The following OR1I1 variants were observed in gnomAD, a reference collection of about 807,000 sequenced individuals.
OR1I1 encodes olfactory receptor family 1 subfamily I member 1.
For missense variants in OR1I1, 451 were observed against 443.6 expected (o/e 1.02, Z -0.15); for synonymous variants, 171 against 181.4 (o/e 0.94, Z 0.46).
At chr19:15,086,919 C>T (rs747414353) in intron 1 of OR1I1, 134 bp from the exon 2 acceptor site, 86 of 1,386,550 alleles carry the variant, frequency 6.2e-5, no homozygotes, top group Admixed American at 2.1e-4. Flanking sequence ...TTGAGGTTAA[C>T]TGAACACAAA....
rs2046241625 is a variant in OR1I1, at chr19:15,088,670, AG to A, written c.*538del. The stretch of plus-strand genomic sequence containing the variant: ...CAAGATCTGTCACTCATAGGTAGAT[AG>A]ATAGATAGATAGATAGATAGATAGA... On this transcript the variant is annotated 3_prime_UTR_variant, in exon 2 of 2. Transcript: ENST00000641398. 2 of 35,944 alleles carry A rather than the reference AG, an allele frequency of 5.6e-5. No individual in the cohort carries two copies. Among genetic ancestry groups the A allele is most frequent in the Admixed American group, 2.6e-4 (1 of 3,898 alleles). 2.2% of individuals were successfully genotyped at this position (35,944 alleles called of 1,614,324 possible).
chr19:15,085,157 TATATATATATATATATATA>T (rs1472258863), intron 1 of OR1I1, among the ~76,000 whole-genome samples: 914 of 41,164 alleles, frequency 0.022, 104 homozygotes, highest in East Asian at 0.09. Flanking sequence ...TATATATATA[TATATATATATATATATATA>T]TTTTTTTTTT....
rs147488332 is a variant in OR1I1, at chr19:15,089,447, C to A, written c.*1314C>A. On this transcript the variant is annotated 3_prime_UTR_variant, in exon 2 of 2. Transcript: ENST00000641398. ...ACTCTGAACCCAGTATGATTCTACACGCAGGGTCAGCCACAGCAGATCAGG... is the reference window on the plus strand; with the variant it reads ...ACTCTGAACCCAGTATGATTCTACAAGCAGGGTCAGCCACAGCAGATCAGG... The A allele has an allele frequency of 6.6e-6, 1 of 152,164 alleles. No homozygotes were observed. The highest frequency in any genetic ancestry group is 1.5e-5 in the Non-Finnish European group (1 of 68,052). 9.4% of individuals were successfully genotyped at this position (152,164 alleles called of 1,614,324 possible).
At position 15,088,008 on chromosome 19, in the gene OR1I1, C is replaced by A. The variant is rs757706271; in HGVS notation, c.943C>A (p.Pro315Thr). The change falls in exon 2 of 2, where the codon CCA becomes ACA. Residue 315 changes from proline (P) to threonine (T), a missense_variant. Physicochemically the swap from Pro to Thr is conservative, Grantham distance 38. Transcript: ENST00000641398. ...CAAAGTGGCCGTCCCCTGTCCTAGG[C>A]CAGAACAGTTATTGGATGTTTATCA... The part of the protein sequence containing the change: ...IGKVAVPCPR[P>T]EQLLDVYHVP... 6.2e-7 allele frequency: 1 copy of A among 1,613,992 alleles called. No individual in the cohort carries two copies. Among genetic ancestry groups the A allele is most frequent in the Non-Finnish European group, 8.5e-7 (1 of 1,179,910 alleles).
In OR1I1 at chr19:15,087,145, T is replaced by C; in HGVS notation, c.80T>C (p.Leu27Pro). Residue 27 changes from leucine to proline, a missense_variant, in exon 2 of 2, where the codon CTC (leucine) becomes CCC (proline). Physicochemically the swap from Leu to Pro is moderately conservative, Grantham distance 98 (BLOSUM62 -3). Transcript: ENST00000641398. Reference sequence around the variant, plus strand: ...GAAAAGCCAGAGCATCAGACCCTCCTCTTCACAATGTTCCTCTCCACATAC... The same window carrying C: ...GAAAAGCCAGAGCATCAGACCCTCCCCTTCACAATGTTCCTCTCCACATAC... The part of the protein sequence containing the change: ...LSEKPEHQTL[L>P]FTMFLSTYLV... 1 of 1,614,096 alleles carries C rather than the reference T, an allele frequency of 6.2e-7. No individual in the cohort carries two copies. The highest frequency in any genetic ancestry group is 8.5e-7 in the Non-Finnish European group (1 of 1,180,020).
chr19:15,083,510 A>G (rs913614774), intron 1 of OR1I1, among the ~76,000 whole-genome samples: 1 of 152,220 alleles, frequency 6.6e-6, no homozygotes, highest in Non-Finnish European at 1.5e-5. Flanking sequence ...ATATGTTGCC[A>G]GGAAGGGAAT....
In OR1I1 at chr19:15,082,895, G is replaced by A. The variant is rs184795572; in HGVS notation, c.-14+619G>A. Among the ~76,000 whole-genome samples, 146 of 151,932 alleles carry A rather than the reference G, an allele frequency of 9.6e-4. 1 individual carries two copies. The highest frequency in any genetic ancestry group is 1.9e-3 in the Non-Finnish European group (127 of 67,954). ...CATTATCATAGCTCATCGCAGCCTC[G>A]ACCTCCCAAGCTCAAGTGATCCTCC... On this transcript the variant is annotated intron_variant, in intron 1 of 1. Coordinates refer to ENST00000641398, the MANE Select transcript of OR1I1 (RefSeq NM_001004713.2).
rs774024174 is a variant in OR1I1 at position 15,087,500 on chromosome 19, G to A, written c.435G>A (p.Leu145=). The change falls in exon 2 of 2, where the codon CTG becomes CTA. Residue 145 remains leucine (L), a synonymous_variant. Coordinates refer to ENST00000641398, the MANE Select transcript of OR1I1 (RefSeq NM_001004713.2). Reference sequence around the variant, plus strand: ...GCTCCCCTGTCTGTGGGCTGCTGCTGGGAGCATCATGGATGATCACCAACC... The same window carrying A: ...GCTCCCCTGTCTGTGGGCTGCTGCTAGGAGCATCATGGATGATCACCAACC... ...LMCSPVCGLL[L]GASWMITNLQ... The A allele has an allele frequency of 1.1e-5, 18 of 1,614,018 alleles. No homozygotes were observed. The South Asian group carries it at 1.8e-4, about 16-fold the overall frequency.
At chr19:15,082,843 T>C (rs1367787297) in intron 1 of OR1I1, among the ~76,000 whole-genome samples, 6 of 152,084 alleles carry the variant, frequency 3.9e-5, no homozygotes, top group African/African-American at 1.4e-4. Context: ...AGGGTCTCGC[T>C]CTGTTGCCCA....
rs563336525 is a variant in OR1I1, at chr19:15,086,542, C to T, written c.-13-511C>T. The stretch of plus-strand genomic sequence containing the variant: ...AATCTCTGCTCGCTGCAAACTTTGC[C>T]TCCCGGGTTCAAGCTATTCACCTGC... On this transcript the variant is annotated intron_variant, in intron 1 of 1. Transcript: ENST00000641398. Among the ~76,000 whole-genome samples, 17 of 133,096 alleles carry T rather than the reference C, an allele frequency of 1.3e-4. No individual in the cohort carries two copies. The East Asian group carries it at 2.9e-3, about 23-fold the overall frequency. The allele number at this position is 133,096 out of a possible 152,430, so 87.3% of individuals were successfully genotyped here.
chr19:15,084,063 G>A (rs1229695308), intron 1 of OR1I1, among the ~76,000 whole-genome samples: 7 of 152,284 alleles, frequency 4.6e-5, no homozygotes, highest in East Asian at 3.9e-4. Flanking sequence ...ATTTAGCTTC[G>A]AAATGCCTCA....
At position 15,087,235 on chromosome 19, in the gene OR1I1, C is replaced by T. The variant is rs772855468; in HGVS notation, c.170C>T (p.Thr57Ile). The T allele has an allele frequency of 2.5e-6, 4 of 1,614,160 alleles. No individual in the cohort carries two copies. The highest frequency in any genetic ancestry group is 2.5e-6 in the Non-Finnish European group (3 of 1,180,006). ...ATCATCACGGACTCTCACCTCCACA[C>T]ACCCATGTACTTCTTTCTCTTCAAC... ...LAIITDSHLH[T>I]PMYFFLFNLS... The change falls in exon 2 of 2, where the codon ACA (threonine) becomes ATA (isoleucine). Residue 57 changes from threonine (T) to isoleucine (I), a missense_variant. Coordinates refer to ENST00000641398, the MANE Select transcript of OR1I1 (RefSeq NM_001004713.2).
At position 15,092,093 on chromosome 19, in the gene OR1I1, T is replaced by TTTTTTTTTTTTTTTTTTTTG; in HGVS notation, c.*3977_*3978insTTGTTTTTTTTTTTTTTTTT. The TTTTTTTTTTTTTTTTTTTTG allele has an allele frequency of 1.7e-5, 1 of 59,684 alleles. No homozygotes were observed. Among genetic ancestry groups the TTTTTTTTTTTTTTTTTTTTG allele is most frequent in the African/African-American group, 3.5e-5 (1 of 28,500 alleles). The allele number at this position is 59,684 out of a possible 1,614,324, so 3.7% of individuals were successfully genotyped here. The stretch of plus-strand genomic sequence containing the variant: ...ACAAATTGGATTTAAAACGCTTTTT[T>TTTTTTTTTTTTTTTTTTTTG]TTTTTTTTTTTTTTTTTGGTTTTTG... On this transcript the variant is annotated 3_prime_UTR_variant, in exon 2 of 2. Coordinates refer to ENST00000641398, the MANE Select transcript of OR1I1 (RefSeq NM_001004713.2).
rs371407943 is a variant in OR1I1, at chr19:15,087,575, C to T, written c.510C>T (p.Ala170=). Residue 170 remains alanine, a synonymous_variant, in exon 2 of 2, where the codon GCC becomes GCT. Coordinates refer to ENST00000641398, the MANE Select transcript of OR1I1 (RefSeq NM_001004713.2). ...TCATGGCTCAACTGACCTTCTGCGCCGGCTCTGAAATCTCCCACTTCTTCT... is the reference window on the plus strand; with the variant it reads ...TCATGGCTCAACTGACCTTCTGCGCTGGCTCTGAAATCTCCCACTTCTTCT... The part of the protein sequence containing the change: ...TCLMAQLTFC[A]GSEISHFFCD... The T allele has an allele frequency of 2.9e-5, 46 of 1,613,880 alleles. No individual in the cohort carries two copies. Among genetic ancestry groups the T allele is most frequent in the East Asian group, 6.7e-5 (3 of 44,900 alleles).
rs766080291 is a variant in OR1I1, at chr19:15,087,245, C to A, written c.180C>A (p.Tyr60Ter). The change falls in exon 2 of 2, where the codon TAC becomes TAA. Residue 60 changes from tyrosine to a stop codon, truncating the protein, a stop_gained. Coordinates refer to ENST00000641398, the MANE Select transcript of OR1I1 (RefSeq NM_001004713.2). LOFTEE classifies it low-confidence loss of function (END_TRUNC). ...ACTCTCACCTCCACACACCCATGTA[C>A]TTCTTTCTCTTCAACCTCTCACTCG... ...ITDSHLHTPM[Y>*]FFLFNLSLVD... 2 of 1,613,984 alleles carry A rather than the reference C, an allele frequency of 1.2e-6. No individual in the cohort carries two copies. Among genetic ancestry groups the A allele is most frequent in the African/African-American group, 2.7e-5 (2 of 74,922 alleles).
Position 15,091,367 on chromosome 19 carries a change from T to A in OR1I1, c.*3234T>A, listed in dbSNP as rs1288788695. The A allele has an allele frequency of 6.6e-6, 1 of 151,910 alleles. No homozygotes were observed. Among genetic ancestry groups the A allele is most frequent in the Non-Finnish European group, 1.5e-5 (1 of 68,050 alleles). 9.4% of individuals were successfully genotyped at this position (151,910 alleles called of 1,614,324 possible). A position where few individuals can be genotyped will look rare whatever the true frequency, so the allele number is the denominator to read the frequency against. ...GGTGAAACCCCCTCTCTACTAAAAA[T>A]ACGAAAATTAGGCCGGGCACAGTGG... is the stretch of plus-strand genomic sequence containing the variant. On this transcript the variant is annotated 3_prime_UTR_variant, in exon 2 of 2. Transcript: ENST00000641398.
At chr19:15,082,797 T>TTTTG (rs766986122) in intron 1 of OR1I1, among the ~76,000 whole-genome samples, 1 of 151,490 alleles carries the variant, frequency 6.6e-6, no homozygotes, top group East Asian at 1.9e-4. Context: ...GGGGGGATTG[T>TTTTG]TTTGTTTGTT....
At position 15,085,153 on chromosome 19, in the gene OR1I1, TATATA is replaced by T. The variant is rs2046224064; in HGVS notation, c.-13-1899_-13-1895del. On this transcript the variant is annotated intron_variant, in intron 1 of 1. Transcript: ENST00000641398. ...ACTTATATATATATATATATATATA[TATATA>T]TATATATATATATATATATTTTTTT... Among the ~76,000 whole-genome samples the T allele has an allele frequency of 1.2e-3, 65 of 54,086 alleles. 4 individuals are homozygous for T. Among genetic ancestry groups the T allele is most frequent in the Middle Eastern group, 7.7e-3 (1 of 130 alleles). 35.5% of individuals were successfully genotyped at this position (54,086 alleles called of 152,430 possible). A position where few individuals can be genotyped will look rare whatever the true frequency, so the allele number is the denominator to read the frequency against.
At position 15,088,802 on chromosome 19, in the gene OR1I1, T is replaced by TAGATAGATAGATAGAG. The variant is rs1555717783; in HGVS notation, c.*684_*685insGAGATAGATAGATAGA. On this transcript the variant is annotated 3_prime_UTR_variant, in exon 2 of 2. Coordinates refer to ENST00000641398, the MANE Select transcript of OR1I1 (RefSeq NM_001004713.2). ...ATAGATAGATAGATAGATAGATAGATAGATAGATAGATAGATAGATATACA... is the reference window on the plus strand; with the variant it reads ...ATAGATAGATAGATAGATAGATAGATAGATAGATAGATAGAGAGATAGATAGATAGATAGATATACA... The TAGATAGATAGATAGAG allele has an allele frequency of 7.6e-6, 1 of 132,164 alleles. No individual in the cohort carries two copies. Among genetic ancestry groups the TAGATAGATAGATAGAG allele is most frequent in the South Asian group, 2.6e-4 (1 of 3,796 alleles). 8.2% of individuals were successfully genotyped at this position (132,164 alleles called of 1,614,324 possible).
Sources: gnomAD v4.1 joint callset for allele counts (sites outside exome capture counted in the v4.1 genomes callset) on GRCh38, gnomAD v4.1.1 for gene constraint, MANE v1.5 for transcripts, NCBI Gene and HGNC (gene_info 2026-07-23, HGNC 2026-07-21) for gene names.